The following BRD10 variants were observed in gnomAD, a reference collection of about 807,000 sequenced individuals.
The protein encoded by BRD10 is uncharacterized bromodomain-containing protein 10.
At chr9:5,974,191 A>C in the BRD10 span, among the ~76,000 whole-genome samples, 1 of 152,202 alleles carries the variant, frequency 6.6e-6, no homozygotes, top group East Asian at 1.9e-4. Flanking sequence ...GAGATCTATT[A>C]ATAGCAACAA....
chr9:5,925,542 CA>C, the BRD10 span, among the ~76,000 whole-genome samples: 6 of 151,988 alleles, frequency 3.9e-5, no homozygotes, highest in African/African-American at 1.5e-4. Context: ...GACTATAACA[CA>C]TCTTAAAAGG....
At chr9:5,942,686 T>A in the BRD10 span, among the ~76,000 whole-genome samples, 6 of 152,134 alleles carry the variant, frequency 3.9e-5, no homozygotes, top group Non-Finnish European at 7.4e-5. Context: ...CCCTGCTAAG[T>A]ACAGTTCCAA....
At chr9:5,957,873 C>G in the BRD10 span, among the ~76,000 whole-genome samples, 2,197 of 152,142 alleles carry the variant, frequency 0.014, 19 homozygotes, top group Non-Finnish European at 0.021. Context: ...TGCTTCAGGA[C>G]AAAATATATA....
chr9:5,919,543 AACACACAC>A, the BRD10 span: 92 of 396,966 alleles, frequency 2.3e-4, no homozygotes, highest in East Asian at 1.0e-3. Flanking sequence ...GATACATTAA[AACACACAC>A]ACACACACAC....
chr9:6,008,007 G>A, the BRD10 span: 3 of 1,261,328 alleles, frequency 2.4e-6, no homozygotes, highest in South Asian at 2.7e-5. Flanking sequence ...GGGGAGAGAA[G>A]AGGAGAGCCT....
At chr9:5,906,021 T>G in the BRD10 span, among the ~76,000 whole-genome samples, 1 of 152,124 alleles carries the variant, frequency 6.6e-6, no homozygotes, top group East Asian at 1.9e-4. Context: ...CTATTATTCA[T>G]TTTTGAACAA....
chr9:5,946,134 G>C, the BRD10 span, among the ~76,000 whole-genome samples: 1 of 151,870 alleles, frequency 6.6e-6, no homozygotes, highest in Non-Finnish European at 1.5e-5. Context: ...CTTCTATTAG[G>C]TTAAACCATA....
chr9:5,881,276 G>T, the BRD10 span, among the ~76,000 whole-genome samples: 4 of 152,114 alleles, frequency 2.6e-5, no homozygotes, highest in African/African-American at 9.7e-5. Context: ...CTTATAAATG[G>T]CCTCTCTCTG....
the BRD10 span, chr9:5,923,150 G>A: frequency 3.7e-6 from 6 of 1,613,888 alleles, no homozygotes; most frequent in Non-Finnish European, 5.1e-6. Context: ...CTTCTTCCTT[G>A]GAGAAAGCTC....
chr9:5,986,143 G>A, the BRD10 span, among the ~76,000 whole-genome samples: 4 of 152,008 alleles, frequency 2.6e-5, no homozygotes, highest in Non-Finnish European at 5.9e-5. Flanking sequence ...CACCTTACAG[G>A]CTCCGGTGTG....
chr9:5,951,967 T>C, the BRD10 span, among the ~76,000 whole-genome samples: 4 of 152,072 alleles, frequency 2.6e-5, no homozygotes, highest in African/African-American at 4.8e-5. Flanking sequence ...CTGTTTTCTC[T>C]CCCTCTAGGA....
the BRD10 span, chr9:5,953,954 G>T: frequency 3.4e-6 from 3 of 890,890 alleles, no homozygotes; most frequent in Non-Finnish European, 5.4e-6. Context: ...AAACTCTCGA[G>T]GAATGATATG....
the BRD10 span, among the ~76,000 whole-genome samples, chr9:5,988,941 T>G: frequency 6.6e-6 from 1 of 151,710 alleles, no homozygotes; most frequent in African/African-American, 2.4e-5. Context: ...TTTGAAAAAA[T>G]TATAAACAGC....
chr9:5,886,352 C>G, the BRD10 span, among the ~76,000 whole-genome samples: 2 of 152,214 alleles, frequency 1.3e-5, no homozygotes, highest in Non-Finnish European at 2.9e-5. Context: ...AACCCTGGGG[C>G]TGGTGTGGGG....
chr9:5,907,386 T>A, the BRD10 span, among the ~76,000 whole-genome samples: 6 of 152,208 alleles, frequency 3.9e-5, no homozygotes, highest in African/African-American at 1.4e-4. Context: ...AAGTACCTAT[T>A]ATTTATTGTA....
chr9:5,886,583 G>C, the BRD10 span, among the ~76,000 whole-genome samples: 1 of 152,310 alleles, frequency 6.6e-6, no homozygotes, highest in African/African-American at 2.4e-5. Context: ...AAGTGCAAGT[G>C]GTTTGGACTC....
the BRD10 span, among the ~76,000 whole-genome samples, chr9:5,946,852 A>G: frequency 6.6e-6 from 1 of 152,124 alleles, no homozygotes; most frequent in Non-Finnish European, 1.5e-5. Flanking sequence ...TACTCCTACA[A>G]CTAAACATGC....
chr9:5,942,968 C>T, the BRD10 span, among the ~76,000 whole-genome samples: 4 of 152,144 alleles, frequency 2.6e-5, no homozygotes, highest in Admixed American at 1.3e-4. Flanking sequence ...GCCTCGACCT[C>T]CTGGGCACAA....
the BRD10 span, among the ~76,000 whole-genome samples, chr9:5,879,211 C>G: frequency 6.6e-6 from 1 of 152,076 alleles, no homozygotes; most frequent in Non-Finnish European, 1.5e-5. Context: ...ACCTGTAATT[C>G]CAGCACTTTA....
Sources: allele counts gnomAD v4.1 joint callset (sites outside exome capture counted in the v4.1 genomes callset), GRCh38; gene constraint gnomAD v4.1.1; transcripts MANE v1.5; gene names NCBI Gene and HGNC (gene_info 2026-07-23, HGNC 2026-07-21).